TRPM3: variants seen among roughly 807,000 people sequenced by gnomAD.
The protein encoded by TRPM3 is long transient receptor potential channel 3.
TRPM3 carries 77 observed loss-of-function variants against 181.2 expected under a neutral mutation model. That is an observed-to-expected ratio of 0.42 (90% CI 0.35 to 0.51). The LOEUF is 0.51. Among genes scored for constraint, TRPM3 ranks in the 20% least tolerant of loss-of-function variants. The pLI, the probability that TRPM3 is intolerant of heterozygous loss-of-function variation, is 0.01. For missense variants in TRPM3, 1,759 were observed against 2,196.7 expected, an observed-to-expected ratio of 0.80 and a Z score of 3.98; for synonymous variants, 745 against 796.4, an observed-to-expected ratio of 0.94 and a Z score of 1.09.
intron 6 of TRPM3, among the ~76,000 whole-genome samples, chr9:70,807,568 AAC>A (rs1159003659): frequency 6.6e-6 from 1 of 152,208 alleles, no homozygotes; most frequent in African/African-American, 2.4e-5. Context: ...AGGGAAATCA[AAC>A]AGTGATGCTT....
At chr9:71,301,298 T>C (rs2086749340) in intron 1 of TRPM3, among the ~76,000 whole-genome samples, 1 of 152,156 alleles carries the variant, frequency 6.6e-6, no homozygotes, top group South Asian at 2.1e-4. Flanking sequence ...AATTTTGTAC[T>C]GTATAGATAG....
rs536371527 is a variant in TRPM3 at position 71,404,577 on chromosome 9, T to C, written c.183+42076A>G. Reference sequence around the variant, plus strand: ...CCTGGCCATCTCTCGGCTGGACTAATGCTATCACCTTCTGATTGCTTTTGT... The same window carrying C: ...CCTGGCCATCTCTCGGCTGGACTAACGCTATCACCTTCTGATTGCTTTTGT... On this transcript the variant is annotated intron_variant, in intron 1 of 24. Coordinates refer to the TRPM3 transcript ENST00000357533. Among the ~76,000 whole-genome samples, 5 of 152,312 alleles carry C rather than the reference T, an allele frequency of 3.3e-5. No homozygotes were observed. The South Asian group carries it at 8.3e-4, about 25-fold the overall frequency.
At chr9:70,580,371 A>G (rs1379933587) in intron 22 of TRPM3, among the ~76,000 whole-genome samples, 1 of 152,204 alleles carries the variant, frequency 6.6e-6, no homozygotes, top group Non-Finnish European at 1.5e-5. Flanking sequence ...CCTCTTCTCC[A>G]TTAATTCACT....
intron 1 of TRPM3, among the ~76,000 whole-genome samples, chr9:71,238,018 G>A (rs755858308): frequency 9.2e-5 from 14 of 152,100 alleles, no homozygotes; most frequent in African/African-American, 2.2e-4. Flanking sequence ...TTCTAACTAC[G>A]GCAGAGGGTA....
At chr9:70,944,716 C>T (rs1026608143) in intron 1 of TRPM3, among the ~76,000 whole-genome samples, 2 of 152,080 alleles carry the variant, frequency 1.3e-5, no homozygotes, top group East Asian at 1.9e-4. Flanking sequence ...CTACAAATTT[C>T]CCTTCAGTTT....
At chr9:70,937,240 G>A (rs1280239569) in intron 1 of TRPM3, among the ~76,000 whole-genome samples, 1 of 152,148 alleles carries the variant, frequency 6.6e-6, no homozygotes, top group East Asian at 1.9e-4. Flanking sequence ...CAGACAGTGA[G>A]GTTAGAATTA....
At chr9:71,127,646 A>G (rs2074126306) in intron 1 of TRPM3, among the ~76,000 whole-genome samples, 2 of 152,232 alleles carry the variant, frequency 1.3e-5, no homozygotes, top group Admixed American at 1.3e-4. Context: ...GCACAGTGCT[A>G]ACATAGAGAA....
chr9:71,420,787 A>AGAAAGAGAGAAAGAGAG (rs2093732393), intron 1 of TRPM3, among the ~76,000 whole-genome samples: 1 of 47,062 alleles, frequency 2.1e-5, no homozygotes, highest in Non-Finnish European at 4.9e-5. Flanking sequence ...AAGAGAGAGA[A>AGAAAGAGAGAAAGAGAG]AGAGAGAGAA....
At chr9:70,902,691 C>A (rs187564106) in intron 1 of TRPM3, among the ~76,000 whole-genome samples, 4 of 152,134 alleles carry the variant, frequency 2.6e-5, no homozygotes, top group African/African-American at 9.7e-5. Flanking sequence ...ATATCCAGTC[C>A]CAGGCACTGC....
intron 1 of TRPM3, chr9:71,446,612 G>A: frequency 6.5e-7 from 1 of 1,538,608 alleles, no homozygotes; most frequent in Admixed American, 2.0e-5. Context: ...TGCGAAGGGA[G>A]AAAAGAAAGC....
chr9:70,633,590 A>C (rs564954271), intron 12 of TRPM3, among the ~76,000 whole-genome samples: 15 of 152,310 alleles, frequency 9.8e-5, no homozygotes, highest in Admixed American at 9.8e-4. Context: ...CAAGGGCCAA[A>C]GGATGGAGAT....
intron 1 of TRPM3, among the ~76,000 whole-genome samples, chr9:71,306,793 G>A (rs2087376441): frequency 6.6e-6 from 1 of 152,178 alleles, no homozygotes; most frequent in Non-Finnish European, 1.5e-5. Flanking sequence ...AGAATCGCTT[G>A]AACCTGGGGG....
rs74994500 is a variant in TRPM3, at chr9:70,587,801, A to G, written c.3223+3230T>C. ...TTCTTGGAGAGCTAGGATTCTATAT[A>G]GCAAACACGTGAAGACAATTTTGGG... On this transcript the variant is annotated intron_variant, in intron 22 of 25. Transcript: ENST00000677713. Among the ~76,000 whole-genome samples the G allele has an allele frequency of 7.2e-3, 1,098 of 152,342 alleles. 12 individuals carry two copies. The highest frequency in any genetic ancestry group is 0.025 in the African/African-American group (1,041 of 41,576).
intron 1 of TRPM3, among the ~76,000 whole-genome samples, chr9:71,192,083 T>A (rs1156907356): frequency 6.6e-6 from 1 of 151,880 alleles, no homozygotes; most frequent in Non-Finnish European, 1.5e-5. Context: ...AAGAAGGCAG[T>A]GGCTTAAATC....
chr9:71,293,988 C>G (rs959130691), intron 1 of TRPM3, among the ~76,000 whole-genome samples: 1 of 151,938 alleles, frequency 6.6e-6, no homozygotes, highest in Non-Finnish European at 1.5e-5. Context: ...CACAATACAA[C>G]ACTGCTTCCT....
Position 70,640,410 on chromosome 9 carries a change from G to C in TRPM3, c.1446+150C>G, listed in dbSNP as rs556385049. 1.2e-5 allele frequency: 6 copies of C among 518,772 alleles called. No individual in the cohort carries two copies. The South Asian group carries it at 1.9e-4, about 17-fold the overall frequency. The allele number at this position is 518,772 out of a possible 1,614,324, so 32.1% of individuals were successfully genotyped here. On this transcript the variant is annotated intron_variant, in intron 10 of 25. Coordinates refer to ENST00000677713, the MANE Select transcript of TRPM3 (RefSeq NM_001366145.2). Reference sequence around the variant, plus strand: ...GCGGTGCTTTCCTAAATATGAGAAAGGGAGCTCAGGATACAGACTTTGCTA... The same window carrying C: ...GCGGTGCTTTCCTAAATATGAGAAACGGAGCTCAGGATACAGACTTTGCTA...
intron 3 of TRPM3, among the ~76,000 whole-genome samples, chr9:70,852,914 A>C (rs2095279643): frequency 6.6e-6 from 1 of 152,214 alleles, no homozygotes; most frequent in African/African-American, 2.4e-5. Flanking sequence ...ATGCAAGTTC[A>C]GGTTGATGCA....
intron 1 of TRPM3, among the ~76,000 whole-genome samples, chr9:71,249,772 G>A (rs897388988): frequency 6.6e-6 from 1 of 152,102 alleles, no homozygotes; most frequent in Admixed American, 6.5e-5. Context: ...ATCATAGTGG[G>A]AATCTACGAG....
chr9:70,890,104 A>G (rs2096174040), intron 1 of TRPM3, among the ~76,000 whole-genome samples: 1 of 148,862 alleles, frequency 6.7e-6, no homozygotes, highest in African/African-American at 2.4e-5. Flanking sequence ...TATATAGTCA[A>G]TAGTACAAAA....
Sources: allele counts gnomAD v4.1 joint callset (sites outside exome capture counted in the v4.1 genomes callset), GRCh38; gene constraint gnomAD v4.1.1; transcripts MANE v1.5; gene names NCBI Gene and HGNC (gene_info 2026-07-23, HGNC 2026-07-21).